MTCL2: variants seen among roughly 807,000 people sequenced by gnomAD.
The protein encoded by MTCL2 is microtubule crosslinking factor 2.
At chr20:36,824,717 A>G in the MTCL2 span, among the ~76,000 whole-genome samples, 152 of 151,402 alleles carry the variant, frequency 1.0e-3, 2 homozygotes, top group Non-Finnish European at 3.4e-4. Flanking sequence ...CACTGGCGTG[A>G]TCTTGGCTCA....
At chr20:36,859,483 G>T in the MTCL2 span, 1 of 862,956 alleles carries the variant, frequency 1.2e-6, no homozygotes, top group Non-Finnish European at 1.5e-6. Context: ...CCCTTCTCAA[G>T]CAATCATTCC....
the MTCL2 span, among the ~76,000 whole-genome samples, chr20:36,804,231 C>T: frequency 1.3e-5 from 2 of 152,156 alleles, no homozygotes; most frequent in Non-Finnish European, 2.9e-5. Flanking sequence ...AGAGCATTCT[C>T]TCTGAGTGGG....
chr20:36,808,432 G>A, the MTCL2 span: 2 of 1,182,632 alleles, frequency 1.7e-6, no homozygotes, highest in East Asian at 2.6e-5. Flanking sequence ...TAGGAGTTGT[G>A]TCAATACCAG....
chr20:36,857,568 C>T, the MTCL2 span, among the ~76,000 whole-genome samples: 1 of 152,130 alleles, frequency 6.6e-6, no homozygotes, highest in East Asian at 1.9e-4. Context: ...GGGACACAGG[C>T]TCAGCCCCAA....
At chr20:36,840,824 C>T in the MTCL2 span, among the ~76,000 whole-genome samples, 1 of 151,008 alleles carries the variant, frequency 6.6e-6, no homozygotes, top group Non-Finnish European at 1.5e-5. Context: ...CCAGCCTGGG[C>T]GACAGAGCGA....
the MTCL2 span, among the ~76,000 whole-genome samples, chr20:36,862,042 T>A: frequency 6.6e-6 from 1 of 152,216 alleles, no homozygotes; most frequent in Admixed American, 6.5e-5. Flanking sequence ...GGAAGCTGCC[T>A]CTGAACCGGT....
chr20:36,836,533 G>A, the MTCL2 span, among the ~76,000 whole-genome samples: 3 of 151,656 alleles, frequency 2.0e-5, no homozygotes, highest in South Asian at 2.1e-4. Context: ...TAGTAGAGCC[G>A]GGGTTTCACC....
At chr20:36,838,876 G>A in the MTCL2 span, among the ~76,000 whole-genome samples, 1 of 152,058 alleles carries the variant, frequency 6.6e-6, no homozygotes, top group African/African-American at 2.4e-5. Context: ...GCTGAGGCAA[G>A]AGAAATCGCT....
chr20:36,841,979 G>T, the MTCL2 span, among the ~76,000 whole-genome samples: 1 of 150,404 alleles, frequency 6.6e-6, no homozygotes, highest in Admixed American at 6.7e-5. Flanking sequence ...AATCTGCCTA[G>T]CTCAGCATCC....
At chr20:36,817,140 G>A in the MTCL2 span, among the ~76,000 whole-genome samples, 10 of 151,742 alleles carry the variant, frequency 6.6e-5, no homozygotes, top group African/African-American at 1.9e-4. Context: ...GGTGGTGCAC[G>A]CCTGTAGTCC....
the MTCL2 span, among the ~76,000 whole-genome samples, chr20:36,819,239 T>C: frequency 1.2e-4 from 18 of 152,208 alleles, no homozygotes; most frequent in African/African-American, 4.3e-4. Context: ...AGAGGAGGGG[T>C]GATTCCTGGT....
At chr20:36,860,240 C>A in the MTCL2 span, among the ~76,000 whole-genome samples, 6 of 152,190 alleles carry the variant, frequency 3.9e-5, no homozygotes, top group African/African-American at 1.4e-4. Context: ...TCCAGACCCT[C>A]ACTCAGTTGG....
At chr20:36,792,440 G>C in the MTCL2 span, among the ~76,000 whole-genome samples, 18 of 152,062 alleles carry the variant, frequency 1.2e-4, no homozygotes, top group Non-Finnish European at 1.5e-5. Context: ...AGGAGGCGGA[G>C]GTTACAGTGA....
the MTCL2 span, chr20:36,804,813 C>T: frequency 7.4e-6 from 12 of 1,613,838 alleles, no homozygotes; most frequent in East Asian, 4.5e-5. Flanking sequence ...GCTGAAGCTC[C>T]GTCAGACCAC....
chr20:36,808,764 G>A, the MTCL2 span: 6,630 of 1,555,390 alleles, frequency 4.3e-3, 271 homozygotes, highest in African/African-American at 0.08. Context: ...ACAAGAGCTT[G>A]AGCAACCCCA....
At chr20:36,853,728 T>A in the MTCL2 span, among the ~76,000 whole-genome samples, 1 of 151,940 alleles carries the variant, frequency 6.6e-6, no homozygotes, top group Non-Finnish European at 1.5e-5. Context: ...TGTGTGTGTG[T>A]GTGTGTGTGT....
the MTCL2 span, among the ~76,000 whole-genome samples, chr20:36,801,114 C>T: frequency 1.3e-5 from 2 of 152,076 alleles, no homozygotes; most frequent in Non-Finnish European, 2.9e-5. Context: ...GATCATGGCT[C>T]ACTGCAGCCT....
chr20:36,837,641 G>A, the MTCL2 span, among the ~76,000 whole-genome samples: 3 of 150,746 alleles, frequency 2.0e-5, no homozygotes, highest in Non-Finnish European at 3.0e-5. Flanking sequence ...GCAGTGGCGC[G>A]ATCTCAGCTC....
At chr20:36,822,220 C>T in the MTCL2 span, among the ~76,000 whole-genome samples, 2 of 152,282 alleles carry the variant, frequency 1.3e-5, no homozygotes, top group South Asian at 4.1e-4. Flanking sequence ...AAAGCCAGGG[C>T]CTGTCAGAGC....
Sources: gnomAD v4.1 joint callset for allele counts (sites outside exome capture counted in the v4.1 genomes callset) on GRCh38, gnomAD v4.1.1 for gene constraint, MANE v1.5 for transcripts, NCBI Gene and HGNC (gene_info 2026-07-23, HGNC 2026-07-21) for gene names.